CNGB1: variants seen among roughly 807,000 people sequenced by gnomAD.
CNGB1 encodes the protein cyclic nucleotide gated channel subunit beta 1, also known as cyclic nucleotide-gated channel beta-1.
CNGB1 carries 126 observed loss-of-function variants against 151.7 expected under a neutral mutation model. The observed-to-expected ratio is 0.83, with a 90% CI of 0.72 to 0.96. CNGB1 has a LOEUF of 0.96. CNGB1 is among the 40% of genes least tolerant of loss of function. The pLI is 0.00. For missense variants in CNGB1, 1,698 were observed against 1,627.0 expected, an observed-to-expected ratio of 1.04 and a Z score of -0.75; for synonymous variants, 623 against 635.1, an observed-to-expected ratio of 0.98 and a Z score of 0.29.
At chr16:57,954,955 C>A in intron 12 of CNGB1, 1 of 1,086,806 alleles carries the variant, frequency 9.2e-7, no homozygotes, top group Non-Finnish European at 1.1e-6. Context: ...CACTGTGTTG[C>A]CCACGGTGGT....
intron 25 of CNGB1, among the ~76,000 whole-genome samples, chr16:57,911,495 G>C (rs879933479): frequency 6.6e-6 from 1 of 152,166 alleles, no homozygotes; most frequent in Non-Finnish European, 1.5e-5. Context: ...TACCATGTTG[G>C]CCAGGCTGGT....
chr16:57,901,717 GGCAC>G, intron 27 of CNGB1, 92 bp from the exon 28 acceptor site: 1 of 995,838 alleles, frequency 1.0e-6, no homozygotes, highest in Non-Finnish European at 1.6e-6. Flanking sequence ...GGCTCACCAG[GGCAC>G]ACCATTGCCC....
intron 18 of CNGB1, among the ~76,000 whole-genome samples, chr16:57,922,172 A>C (rs1397685284): frequency 6.6e-6 from 1 of 152,128 alleles, no homozygotes; most frequent in African/African-American, 2.4e-5. Flanking sequence ...AAACTGCATA[A>C]AATTGTGGAT....
intron 27 of CNGB1, 137 bp downstream of exon 27, chr16:57,903,685 C>T (rs1960451169): frequency 5.4e-6 from 6 of 1,116,272 alleles, no homozygotes; most frequent in South Asian, 1.3e-5. Context: ...ATGTTGGGGA[C>T]ACAGCCAAGA....
intron 28 of CNGB1, 26 bp from the exon 29 acceptor site, chr16:57,901,461 A>G (rs1779911504): frequency 1.2e-6 from 2 of 1,614,062 alleles, no homozygotes; most frequent in Non-Finnish European, 1.7e-6. Context: ...AGGGAAAGGA[A>G]CTTTTTAGAG....
chr16:57,955,506 G>T, intron 12 of CNGB1: 2 of 730,450 alleles, frequency 2.7e-6, no homozygotes, highest in Admixed American at 2.2e-5. Flanking sequence ...GTCTCCCCAT[G>T]ACATGGGACG....
rs771153803 is a variant in CNGB1 at position 57,964,542 on chromosome 16, G to A, written c.162C>T (p.Pro54=). ...CCTCCTCCTTGAATGACTCTTCGGG[G>A]GGCTAGAGGGTTCGAACAGGATCAT... ...EEAETESESM[P]PEESFKEEEV... Residue 54 remains proline (P), a splice_region_variant and synonymous_variant, in exon 3 of 33, where the codon CCC becomes CCT. Coordinates refer to ENST00000251102, the MANE Select transcript of CNGB1 (RefSeq NM_001297.5). The A allele has an allele frequency of 2.5e-6, 4 of 1,614,118 alleles. No homozygotes were observed. Among genetic ancestry groups the A allele is most frequent in the South Asian group, 1.1e-5 (1 of 91,084 alleles).
intron 17 of CNGB1, among the ~76,000 whole-genome samples, chr16:57,927,724 C>A (rs979508533): frequency 6.6e-6 from 1 of 152,154 alleles, no homozygotes; most frequent in Admixed American, 6.5e-5. Context: ...ATCTTGGTCC[C>A]CTCCCTCCCC....
chr16:57,955,369 C>T (rs1300360934), intron 12 of CNGB1: 1 of 1,551,576 alleles, frequency 6.4e-7, no homozygotes, highest in African/African-American at 1.4e-5. Context: ...CCCATCACCC[C>T]TGAAACAAAG....
chr16:57,923,242 T>G, intron 18 of CNGB1, 31 bp downstream of exon 18: 1 of 1,514,950 alleles, frequency 6.6e-7, no homozygotes, highest in Non-Finnish European at 9.1e-7. Flanking sequence ...CCGCAGTCTT[T>G]CAATTTTCTG....
chr16:57,955,354 CA>C, intron 12 of CNGB1: 2 of 1,551,754 alleles, frequency 1.3e-6, no homozygotes, highest in Non-Finnish European at 1.7e-6. Flanking sequence ...CAGAGACCTC[CA>C]GCTCCCATCA....
chr16:57,947,244 T>C (rs1398398291), intron 14 of CNGB1, among the ~76,000 whole-genome samples: 1 of 152,228 alleles, frequency 6.6e-6, no homozygotes, highest in Non-Finnish European at 1.5e-5. Flanking sequence ...TATGTGAGCA[T>C]AGTTGATCAC....
intron 6 of CNGB1, 73 bp from the exon 7 acceptor site, chr16:57,962,683 TG>T: frequency 6.4e-7 from 1 of 1,571,220 alleles, no homozygotes. Flanking sequence ...CAGCCTGGAG[TG>T]GGCACCGAGA....
intron 27 of CNGB1, among the ~76,000 whole-genome samples, chr16:57,902,444 A>T (rs1233728050): frequency 1.3e-5 from 2 of 152,106 alleles, no homozygotes; most frequent in African/African-American, 4.8e-5. Context: ...TAAAATTTTT[A>T]AAATACTTTG....
At chr16:57,917,608 G>T in intron 20 of CNGB1, 132 bp from the exon 21 acceptor site, 2 of 491,838 alleles carry the variant, frequency 4.1e-6, no homozygotes, top group Non-Finnish European at 7.1e-6. Flanking sequence ...GTGTGTGTAT[G>T]TGTGTGTGTG....
chr16:57,904,875 A>C lies in CNGB1; in HGVS notation c.2493T>G (p.Ser831Arg). The C allele has an allele frequency of 6.2e-7, 1 of 1,614,174 alleles. No individual in the cohort carries two copies. The highest frequency in any genetic ancestry group is 8.5e-7 in the Non-Finnish European group (1 of 1,180,026). ...THWVYDGVGNSYIRCYYFAVK... is the reference protein window; with the variant it reads ...THWVYDGVGNRYIRCYYFAVK... Reference sequence around the variant, plus strand: ...CAGCAAAGTAGTAACAGCGAATATAACTGGAGAGAGAGGAGAAAGGGAACA... The same window carrying C: ...CAGCAAAGTAGTAACAGCGAATATACCTGGAGAGAGAGGAGAAAGGGAACA... Residue 831 changes from serine to arginine, a missense_variant and splice_region_variant, in exon 26 of 33, where the codon AGT becomes AGG. Coordinates refer to ENST00000251102, the MANE Select transcript of CNGB1 (RefSeq NM_001297.5).
rs140623556 is a variant in CNGB1, at chr16:57,892,905, C to G, written c.3242+4492G>C. On this transcript the variant is annotated intron_variant, in intron 31 of 32. Coordinates refer to ENST00000251102, the MANE Select transcript of CNGB1 (RefSeq NM_001297.5). ...TCTCAGACAGCTCTCCGTCACTTCC[C>G]GCTCCTCCCGTGGCTTTGTGTTTCC... Among the ~76,000 whole-genome samples, 297 of 152,258 alleles carry G rather than the reference C, an allele frequency of 2.0e-3. 1 individual carries two copies. Among genetic ancestry groups the G allele is most frequent in the African/African-American group, 6.8e-3 (281 of 41,534 alleles).
At chr16:57,889,364 G>A (rs1960024969) in intron 31 of CNGB1, among the ~76,000 whole-genome samples, 1 of 152,122 alleles carries the variant, frequency 6.6e-6, no homozygotes, top group South Asian at 2.1e-4. Context: ...ACATGGCAAG[G>A]ACCTGAGGCC....
Position 57,904,799 on chromosome 16 carries a change from C to T in CNGB1, c.2569G>A (p.Glu857Lys), listed in dbSNP as rs1304940154. The T allele has an allele frequency of 1.2e-6, 2 of 1,614,042 alleles. No individual in the cohort carries two copies. The highest frequency in any genetic ancestry group is 1.7e-6 in the Non-Finnish European group (2 of 1,180,036). Reference sequence around the variant, plus strand: ...TAATTCAGCAGCTGGAAGACAATTTCAAAGAGTGTCTTGGGGTCAGGCAGC... The same window carrying T: ...TAATTCAGCAGCTGGAAGACAATTTTAAAGAGTGTCTTGGGGTCAGGCAGC... ...GGLPDPKTLF[E>K]IVFQLLNYFT... The change falls in exon 26 of 33, where the codon GAA (glutamate) becomes AAA (lysine). Residue 857 changes from glutamate to lysine, a missense_variant. Transcript: ENST00000251102.
Sources: allele counts gnomAD v4.1 joint callset (sites outside exome capture counted in the v4.1 genomes callset), GRCh38; gene constraint gnomAD v4.1.1; transcripts MANE v1.5; gene names NCBI Gene and HGNC (gene_info 2026-07-23, HGNC 2026-07-21).